IGF1R: variants seen among roughly 807,000 people sequenced by gnomAD.
IGF1R encodes the protein insulin-like growth factor 1 receptor.
A neutral mutation model predicts 144.6 loss-of-function variants in IGF1R; 44 were observed. The observed-to-expected ratio is 0.30, with a 90% CI of 0.24 to 0.39. The LOEUF is 0.39. Among genes scored for constraint, IGF1R ranks in the 10% least tolerant of loss-of-function variants. The pLI is 1.00. For synonymous variants in IGF1R, 795 were observed against 722.8 expected (o/e 1.10, Z -1.60); for missense variants, 1,355 against 1,833.7 (o/e 0.74, Z 4.77).
At chr15:98,674,248 TTTACA>T (rs1335000797) in intron 1 of IGF1R, among the ~76,000 whole-genome samples, 1 of 152,166 alleles carries the variant, frequency 6.6e-6, no homozygotes, top group African/African-American at 2.4e-5. Flanking sequence ...TCATGATGGC[TTTACA>T]TAAGATTTTG....
rs187189344 is a variant in IGF1R at position 98,875,297 on chromosome 15, A to G, written c.641-16028A>G. 3.3e-5 allele frequency among the ~76,000 whole-genome samples: 5 copies of G among 150,958 alleles called. No individual in the cohort carries two copies. In the East Asian group the frequency reaches 9.7e-4, roughly 29 times the overall value. ...ATGTTGGATAAGATTTTTGAAGAAGAGATTTATGCTTGAGATTCCTTTTAG... is the reference window on the plus strand; with the variant it reads ...ATGTTGGATAAGATTTTTGAAGAAGGGATTTATGCTTGAGATTCCTTTTAG... On this transcript the variant is annotated intron_variant, in intron 2 of 20. Transcript: ENST00000650285.
intron 17 of IGF1R, among the ~76,000 whole-genome samples, chr15:98,938,170 G>A (rs906808894): frequency 1.3e-5 from 2 of 152,226 alleles, no homozygotes; most frequent in Non-Finnish European, 2.9e-5. Context: ...GGCACTTTCT[G>A]TGCGTGGCCC....
chr15:98,715,241 G>A (rs537976750), intron 2 of IGF1R, among the ~76,000 whole-genome samples: 1 of 152,330 alleles, frequency 6.6e-6, no homozygotes, highest in East Asian at 1.9e-4. Flanking sequence ...CCTGGGACCT[G>A]GCTTAGCCCA....
At chr15:98,824,635 G>C (rs1218283455) in intron 2 of IGF1R, among the ~76,000 whole-genome samples, 1 of 152,088 alleles carries the variant, frequency 6.6e-6, no homozygotes, top group Admixed American at 6.6e-5. Flanking sequence ...CAAAAGGCTG[G>C]GCCCTTGTCT....
chr15:98,883,211 A>G (rs905428345), intron 2 of IGF1R, among the ~76,000 whole-genome samples: 2 of 152,318 alleles, frequency 1.3e-5, no homozygotes, highest in African/African-American at 4.8e-5. Context: ...TGCCGTGCGT[A>G]GCTGATTCCA....
At chr15:98,802,793 G>GT (rs1173577352) in intron 2 of IGF1R, among the ~76,000 whole-genome samples, 1 of 152,174 alleles carries the variant, frequency 6.6e-6, no homozygotes, top group East Asian at 1.9e-4. Flanking sequence ...TCTTAAGTGA[G>GT]TGAGACCCCT....
At position 98,964,381 on chromosome 15, in the gene IGF1R, T is replaced by C. The variant is rs945408982; in HGVS notation, c.*6939T>C. ...CTGTTGTAAGAATTTATTCCTGTTA[T>C]TGCGATATACTCTGGATTCTTTACA... is the stretch of plus-strand genomic sequence containing the variant. On this transcript the variant is annotated 3_prime_UTR_variant, in exon 21 of 21. Transcript: ENST00000650285. 8.7e-6 allele frequency: 2 copies of C among 230,698 alleles called. No individual in the cohort carries two copies. The highest frequency in any genetic ancestry group is 4.4e-5 in the African/African-American group (2 of 45,214). 14.3% of individuals were successfully genotyped at this position (230,698 alleles called of 1,614,324 possible).
At chr15:98,734,077 A>G (rs1295689797) in intron 2 of IGF1R, among the ~76,000 whole-genome samples, 1 of 152,208 alleles carries the variant, frequency 6.6e-6, no homozygotes, top group Admixed American at 6.5e-5. Flanking sequence ...TAGATGTAAA[A>G]GAGCGCGCAT....
chr15:98,820,057 C>G (rs1200856875), intron 2 of IGF1R, among the ~76,000 whole-genome samples: 1 of 152,148 alleles, frequency 6.6e-6, no homozygotes, highest in Non-Finnish European at 1.5e-5. Context: ...GTTCACAAAC[C>G]ACACTTTGAG....
intron 2 of IGF1R, among the ~76,000 whole-genome samples, chr15:98,862,987 A>G (rs1417945111): frequency 6.6e-6 from 1 of 152,152 alleles, no homozygotes; most frequent in Non-Finnish European, 1.5e-5. Flanking sequence ...TTCGGATTTC[A>G]CTATTTTCCC....
chr15:98,653,864 C>A (rs950141901), intron 1 of IGF1R, among the ~76,000 whole-genome samples: 4 of 152,178 alleles, frequency 2.6e-5, no homozygotes, highest in African/African-American at 9.6e-5. Flanking sequence ...CCAAGAGGAA[C>A]CCTCAAGGGA....
In IGF1R at chr15:98,961,174, G is replaced by C. The variant is rs147413914; in HGVS notation, c.*3732G>C. On this transcript the variant is annotated 3_prime_UTR_variant, in exon 21 of 21. Transcript: ENST00000650285. ...AGAAATACTGTTGGATCAGGGTTTT[G>C]TTCTTCCACACTGTAGGTGACCCCT... 89 of 233,584 alleles carry C rather than the reference G, an allele frequency of 3.8e-4. No individual in the cohort carries two copies. The highest frequency in any genetic ancestry group is 1.9e-3 in the African/African-American group (85 of 45,452). The allele number at this position is 233,584 out of a possible 1,614,324, so 14.5% of individuals were successfully genotyped here.
chr15:98,697,371 C>T (rs1239338546), intron 1 of IGF1R, among the ~76,000 whole-genome samples: 1 of 152,224 alleles, frequency 6.6e-6, no homozygotes, highest in African/African-American at 2.4e-5. Context: ...ATGCGGGCGT[C>T]CACCTGCTCC....
chr15:98,689,538 A>AT (rs35624715), intron 1 of IGF1R, among the ~76,000 whole-genome samples: 21 of 150,214 alleles, frequency 1.4e-4, no homozygotes, highest in South Asian at 6.3e-4. Context: ...GTTGCACTAC[A>AT]TTTTTTTTTT....
chr15:98,892,490 T>TCATTCC (rs2013972524), intron 3 of IGF1R, among the ~76,000 whole-genome samples: 1 of 132,688 alleles, frequency 7.5e-6, no homozygotes, highest in Non-Finnish European at 1.5e-5. Flanking sequence ...TCACACTACT[T>TCATTCC]CATTCCATCC....
At chr15:98,876,776 C>G (rs985381381) in intron 2 of IGF1R, among the ~76,000 whole-genome samples, 28 of 152,130 alleles carry the variant, frequency 1.8e-4, no homozygotes, top group African/African-American at 6.8e-4. Flanking sequence ...AAAACTGGTT[C>G]TCATGAGGCT....
At chr15:98,867,750 A>G (rs2012533236) in intron 2 of IGF1R, among the ~76,000 whole-genome samples, 1 of 152,206 alleles carries the variant, frequency 6.6e-6, no homozygotes, top group South Asian at 2.1e-4. Flanking sequence ...TTGACTTTAT[A>G]TATTTTTAAA....
Position 98,698,118 on chromosome 15 carries a change from A to G in IGF1R, c.95-9444A>G, listed in dbSNP as rs534045721. 2.2e-4 allele frequency among the ~76,000 whole-genome samples: 33 copies of G among 150,416 alleles called. No homozygotes were observed. In the South Asian group the frequency reaches 6.7e-3, roughly 31 times the overall value. On this transcript the variant is annotated intron_variant, in intron 1 of 20. Coordinates refer to ENST00000650285, the MANE Select transcript of IGF1R (RefSeq NM_000875.5). Reference sequence around the variant, plus strand: ...CCGTGGTGCGATCTTGGCTCACTGCAACCTCTGCCTCCCAGGTTGAAGTGA... The same window carrying G: ...CCGTGGTGCGATCTTGGCTCACTGCGACCTCTGCCTCCCAGGTTGAAGTGA...
intron 2 of IGF1R, among the ~76,000 whole-genome samples, chr15:98,839,626 GAAC>G (rs1411654656): frequency 1.3e-5 from 2 of 152,242 alleles, no homozygotes; most frequent in Admixed American, 1.3e-4. Context: ...GCAGTGGCAA[GAAC>G]AGTACCCTGG....
Sources: gnomAD v4.1 joint callset for allele counts (sites outside exome capture counted in the v4.1 genomes callset) on GRCh38, gnomAD v4.1.1 for gene constraint, MANE v1.5 for transcripts, NCBI Gene and HGNC (gene_info 2026-07-23, HGNC 2026-07-21) for gene names.